THADA: variants seen among roughly 807,000 people sequenced by gnomAD.
THADA encodes tRNA (32-2'-O)-methyltransferase regulator THADA.
THADA carries 213 observed loss-of-function variants against 219.8 expected under a neutral mutation model. The observed-to-expected ratio is 0.97, with a 90% CI of 0.87 to 1.09. The LOEUF (loss-of-function observed/expected upper bound fraction) is 1.09, where lower values mean the gene tolerates loss of function less well. Among genes scored for constraint, THADA ranks in the 50% least tolerant of loss-of-function variants. The probability of loss-of-function intolerance (pLI) is 0.00; values close to 1 mark genes in which losing one functional copy is unlikely to be tolerated. For synonymous variants in THADA, 1,018 were observed against 828.9 expected, an observed-to-expected ratio of 1.23 and a Z score of -3.92; for missense variants, 2,956 against 2,311.3, an observed-to-expected ratio of 1.28 and a Z score of -5.72.
chr2:43,337,766 A>G (rs1666630743), intron 30 of THADA, among the ~76,000 whole-genome samples: 1 of 152,126 alleles, frequency 6.6e-6, no homozygotes, highest in Admixed American at 6.6e-5. Flanking sequence ...CTACGACACT[A>G]AACAAATGGG....
At chr2:43,426,071 T>C (rs1235473646) in intron 28 of THADA, among the ~76,000 whole-genome samples, 2 of 152,212 alleles carry the variant, frequency 1.3e-5, no homozygotes, top group Admixed American at 6.5e-5. Flanking sequence ...GCAAACTTCT[T>C]ACTTTGTATT....
At chr2:43,250,785 A>C (rs1216659057) in intron 36 of THADA, among the ~76,000 whole-genome samples, 3 of 152,234 alleles carry the variant, frequency 2.0e-5, no homozygotes, top group Non-Finnish European at 2.9e-5. Context: ...ATAGTGTGTC[A>C]AGAACAGAGG....
At chr2:43,400,457 T>TATATATATATATATATATATATA (rs1674666200) in intron 28 of THADA, among the ~76,000 whole-genome samples, 1 of 89,902 alleles carries the variant, frequency 1.1e-5, no homozygotes, top group African/African-American at 3.9e-5. Context: ...ATAGACAAAT[T>TATATATATATATATATATATATA]TATATATATA....
chr2:43,276,546 T>A (rs1409510088), intron 36 of THADA, among the ~76,000 whole-genome samples: 1 of 152,164 alleles, frequency 6.6e-6, no homozygotes, highest in East Asian at 1.9e-4. Context: ...CATTTAATGC[T>A]TGCCTATTCT....
intron 30 of THADA, among the ~76,000 whole-genome samples, chr2:43,330,543 G>A (rs931807237): frequency 3.9e-5 from 6 of 152,198 alleles, no homozygotes; most frequent in Admixed American, 3.3e-4. Flanking sequence ...CCAGGCCAGC[G>A]CACTGCCGTA....
At chr2:43,575,205 T>C (rs1273978009) in intron 10 of THADA, among the ~76,000 whole-genome samples, 178 bp from the exon 11 acceptor site, 1 of 152,256 alleles carries the variant, frequency 6.6e-6, no homozygotes, top group Non-Finnish European at 1.5e-5. Context: ...AATTTGTATA[T>C]GATTCTTTTT....
chr2:43,472,165 G>A (rs1449740239), intron 26 of THADA, among the ~76,000 whole-genome samples: 1 of 152,220 alleles, frequency 6.6e-6, no homozygotes, highest in African/African-American at 2.4e-5. Context: ...TCATGGGACA[G>A]CCAACCAGTT....
intron 21 of THADA, among the ~76,000 whole-genome samples, chr2:43,534,628 G>A (rs1694316325): frequency 6.6e-6 from 1 of 152,124 alleles, no homozygotes; most frequent in African/African-American, 2.4e-5. Flanking sequence ...CATCCATGTA[G>A]CTGCGAATGA....
intron 22 of THADA, among the ~76,000 whole-genome samples, chr2:43,514,507 T>A (rs1194695394): frequency 7.3e-6 from 1 of 136,908 alleles, no homozygotes; most frequent in Non-Finnish European, 1.5e-5. Flanking sequence ...TACGTATATT[T>A]TATATATAAT....
intron 24 of THADA, among the ~76,000 whole-genome samples, chr2:43,502,500 G>A (rs138133039): frequency 1.3e-5 from 2 of 149,846 alleles, no homozygotes; most frequent in African/African-American, 4.9e-5. Context: ...CAGGAGAATC[G>A]CTTGAACCTG....
At chr2:43,418,098 C>CT (rs1373780922) in intron 28 of THADA, among the ~76,000 whole-genome samples, 2 of 152,278 alleles carry the variant, frequency 1.3e-5, no homozygotes, top group Middle Eastern at 3.4e-3. Flanking sequence ...ATTCACCACT[C>CT]TGTTTCTAGT....
rs538375059 is a variant in THADA at position 43,402,797 on chromosome 2, T to A, written c.4059-4658A>T. On this transcript the variant is annotated intron_variant, in intron 28 of 37. Coordinates refer to ENST00000405975, the MANE Select transcript of THADA (RefSeq NM_022065.5). The stretch of plus-strand genomic sequence containing the variant: ...ACACAAGCTGCTGCTGCTGTGTAAG[T>A]GTGACTCCTGTGTGTGGGAGTACTA... Among the ~76,000 whole-genome samples, 238 of 152,324 alleles carry A rather than the reference T, an allele frequency of 1.6e-3. 1 individual carries two copies. The highest frequency in any genetic ancestry group is 4.8e-3 in the South Asian group (23 of 4,828).
chr2:43,287,049 T>C lies in THADA; in HGVS notation c.5023A>G (p.Ile1675Val), dbSNP rs768395074. 4.3e-6 allele frequency: 7 copies of C among 1,612,848 alleles called. No individual in the cohort carries two copies. The highest frequency in any genetic ancestry group is 5.1e-6 in the Non-Finnish European group (6 of 1,179,172). ...ACCCACTGCTTCAGCTCAGCAGCTATCAATTCCCTGTTCTAAAAGCACAAA... is the reference window on the plus strand; with the variant it reads ...ACCCACTGCTTCAGCTCAGCAGCTACCAATTCCCTGTTCTAAAAGCACAAA... ...MQTCVENREL[I>V]AAELKQWVQL... The change falls in exon 35 of 38, where the codon ATA becomes GTA. Residue 1675 changes from isoleucine (I) to valine (V), a missense_variant. By Grantham distance (29) the Ile-to-Val change is conservative. Transcript: ENST00000405975.
At chr2:43,589,758 C>T (rs1701362777) in intron 4 of THADA, among the ~76,000 whole-genome samples, 1 of 151,798 alleles carries the variant, frequency 6.6e-6, no homozygotes, top group Non-Finnish European at 1.5e-5. Context: ...GTGATGTGTG[C>T]ACCAAAATCT....
intron 29 of THADA, among the ~76,000 whole-genome samples, chr2:43,351,001 C>G (rs1039952540): frequency 6.6e-6 from 1 of 152,168 alleles, no homozygotes; most frequent in African/African-American, 2.4e-5. Context: ...AAACACAAAG[C>G]CTGCTGGGGA....
At chr2:43,273,270 C>A (rs71420041) in intron 36 of THADA, among the ~76,000 whole-genome samples, 28,796 of 113,854 alleles carry the variant, frequency 0.25, 3,605 homozygotes, top group Middle Eastern at 0.38. Flanking sequence ...ACAACAACAA[C>A]AAAAAAAAAA....
chr2:43,262,032 A>T (rs991970636), intron 36 of THADA, among the ~76,000 whole-genome samples: 1 of 152,212 alleles, frequency 6.6e-6, no homozygotes, highest in Non-Finnish European at 1.5e-5. Context: ...TCGGCCTCTC[A>T]AAGTGCTGGG....
intron 24 of THADA, among the ~76,000 whole-genome samples, chr2:43,505,283 T>C (rs554096809): frequency 2.8e-4 from 43 of 152,132 alleles, no homozygotes; most frequent in African/African-American, 1.0e-3. Flanking sequence ...ATTAATATAT[T>C]CAACTAAAGC....
chr2:43,363,881 C>T (rs903648074), intron 29 of THADA, among the ~76,000 whole-genome samples: 5 of 152,008 alleles, frequency 3.3e-5, no homozygotes, highest in African/African-American at 1.2e-4. Flanking sequence ...GCCATGATGG[C>T]ACCATTGCAC....
Sources: allele counts gnomAD v4.1 joint callset (sites outside exome capture counted in the v4.1 genomes callset), GRCh38; gene constraint gnomAD v4.1.1; transcripts MANE v1.5; gene names NCBI Gene and HGNC (gene_info 2026-07-23, HGNC 2026-07-21).